The following GPC5 variants were observed in gnomAD, a reference collection of about 807,000 sequenced individuals.
GPC5 encodes the protein glypican 5, also known as glypican-5.
Under a neutral mutation model 53.9 loss-of-function variants are expected in GPC5, and 47 were observed. The observed-to-expected ratio is 0.87, with a 90% confidence interval of 0.69 to 1.11. The LOEUF (loss-of-function observed/expected upper bound fraction) is 1.11, where lower values mean the gene tolerates loss of function less well. Ranked by LOEUF, GPC5 falls within the 50% of genes most tolerant of loss-of-function variation. GPC5 has a pLI of 0.00. For synonymous variants in GPC5, 286 were observed against 263.3 expected (o/e 1.09, Z -0.84); for missense variants, 748 against 713.1 (o/e 1.05, Z -0.56).
chr13:91,444,807 A>G (rs1392617877), intron 1 of GPC5, among the ~76,000 whole-genome samples: 1 of 152,180 alleles, frequency 6.6e-6, no homozygotes, highest in African/African-American at 2.4e-5. Flanking sequence ...ATGGGTCGAT[A>G]GAACACATTT....
At chr13:91,478,793 GTT>G (rs1174635255) in intron 2 of GPC5, among the ~76,000 whole-genome samples, 2 of 9,796 alleles carry the variant, frequency 2.0e-4, no homozygotes, top group East Asian at 4.1e-3. Context: ...CTCCATTTGA[GTT>G]TATATATATA....
chr13:91,721,230 G>A (rs1319505567), intron 3 of GPC5, among the ~76,000 whole-genome samples: 1 of 151,846 alleles, frequency 6.6e-6, no homozygotes, highest in Non-Finnish European at 1.5e-5. Context: ...CACCTTCCAG[G>A]GTCAAGCAAT....
chr13:92,756,595 C>T (rs2139333334), intron 7 of GPC5, among the ~76,000 whole-genome samples: 1 of 149,384 alleles, frequency 6.7e-6, no homozygotes, highest in African/African-American at 2.5e-5. Flanking sequence ...TTGTCTCAGC[C>T]CAAAATCTCC....
chr13:92,422,818 T>TA (rs1429912299), intron 7 of GPC5, among the ~76,000 whole-genome samples: 70 of 152,310 alleles, frequency 4.6e-4, no homozygotes, highest in Admixed American at 2.2e-3. Flanking sequence ...TTGATTACTT[T>TA]AAAAAAATTT....
chr13:91,644,537 T>C (rs942660000), intron 2 of GPC5, among the ~76,000 whole-genome samples: 6 of 152,240 alleles, frequency 3.9e-5, no homozygotes, highest in Non-Finnish European at 7.3e-5. Flanking sequence ...TCTGCCTCAG[T>C]TTCTCTTGGT....
chr13:92,226,169 G>A (rs2042484646), intron 7 of GPC5, among the ~76,000 whole-genome samples: 1 of 152,028 alleles, frequency 6.6e-6, no homozygotes, highest in Non-Finnish European at 1.5e-5. Context: ...ATGATTGTAA[G>A]TTTCATGAGT....
intron 7 of GPC5, among the ~76,000 whole-genome samples, chr13:92,169,001 A>G (rs931568773): frequency 6.6e-6 from 1 of 152,222 alleles, no homozygotes; most frequent in African/African-American, 2.4e-5. Flanking sequence ...TCGCAGCCAT[A>G]AAAAGGAACA....
At chr13:91,489,699 G>T (rs1044233004) in intron 2 of GPC5, among the ~76,000 whole-genome samples, 71 of 152,162 alleles carry the variant, frequency 4.7e-4, no homozygotes, top group African/African-American at 1.6e-3. Flanking sequence ...TAGTCTAAGG[G>T]AGCCAAATAG....
intron 5 of GPC5, among the ~76,000 whole-genome samples, chr13:91,892,352 CT>C (rs1202581554): frequency 1.3e-5 from 2 of 151,622 alleles, no homozygotes; most frequent in African/African-American, 4.8e-5. Context: ...TTACTTGTTC[CT>C]TTTTACCATG....
intron 5 of GPC5, among the ~76,000 whole-genome samples, chr13:91,803,675 T>G (rs2038171391): frequency 6.6e-6 from 1 of 152,104 alleles, no homozygotes; most frequent in Non-Finnish European, 1.5e-5. Context: ...TGTTAGATTT[T>G]TAAATTAATT....
In GPC5 at chr13:92,673,903, A is replaced by G. The variant is rs996685775; in HGVS notation, c.1562-192379A>G. Reference sequence around the variant, plus strand: ...TCATAAATAATGGAATGAAGGAACTACTTATAAAACCAAGGTTCCATTTTC... The same window carrying G: ...TCATAAATAATGGAATGAAGGAACTGCTTATAAAACCAAGGTTCCATTTTC... On this transcript the variant is annotated intron_variant, in intron 7 of 7. Coordinates refer to ENST00000377067, the MANE Select transcript of GPC5 (RefSeq NM_004466.6). 3.3e-5 allele frequency among the ~76,000 whole-genome samples: 5 copies of G among 152,304 alleles called. No individual in the cohort carries two copies. In the East Asian group the frequency reaches 5.8e-4, roughly 18 times the overall value.
intron 1 of GPC5, among the ~76,000 whole-genome samples, chr13:91,408,676 T>A (rs1877504788): frequency 6.6e-6 from 1 of 152,194 alleles, no homozygotes; most frequent in Admixed American, 6.5e-5. Context: ...ATGTTTCAAA[T>A]GTTGTTGTAT....
At chr13:92,541,869 C>A (rs764233196) in intron 7 of GPC5, among the ~76,000 whole-genome samples, 18 of 151,860 alleles carry the variant, frequency 1.2e-4, no homozygotes, top group Non-Finnish European at 2.2e-4. Flanking sequence ...GGACCATTTA[C>A]CAAAGACATT....
rs553448024 is a variant in GPC5 at position 92,483,592 on chromosome 13, T to C, written c.1561+338603T>C. ...ACTAGTGTAGAGTTTATAAATACTA[T>C]ACACTTAGAATACCCAACAATTATT... On this transcript the variant is annotated intron_variant, in intron 7 of 7. Coordinates refer to ENST00000377067, the MANE Select transcript of GPC5 (RefSeq NM_004466.6). Among the ~76,000 whole-genome samples the C allele has an allele frequency of 1.6e-3, 243 of 152,302 alleles. 1 individual carries two copies. The highest frequency in any genetic ancestry group is 2.4e-3 in the Non-Finnish European group (162 of 68,022).
intron 7 of GPC5, among the ~76,000 whole-genome samples, chr13:92,244,690 A>T (rs527641116): frequency 6.6e-6 from 1 of 152,258 alleles, no homozygotes; most frequent in South Asian, 2.1e-4. Context: ...TTTTCCTCTA[A>T]AGCTGGGATA....
At chr13:92,638,966 C>G (rs9516106) in intron 7 of GPC5, among the ~76,000 whole-genome samples, 52,064 of 151,802 alleles carry the variant, frequency 0.34, 10,076 homozygotes, top group Non-Finnish European at 0.45. Context: ...ATAGTATTTG[C>G]CAATCTGTTT....
chr13:92,204,964 C>T (rs185722555), intron 7 of GPC5, among the ~76,000 whole-genome samples: 153 of 151,886 alleles, frequency 1.0e-3, no homozygotes, highest in African/African-American at 3.6e-3. Context: ...CTGCAATCTC[C>T]GCCTCCTGGG....
At chr13:91,831,976 T>C (rs1173726842) in intron 5 of GPC5, among the ~76,000 whole-genome samples, 4 of 151,886 alleles carry the variant, frequency 2.6e-5, no homozygotes, top group Non-Finnish European at 5.9e-5. Context: ...CTATTAGGTC[T>C]GCTTGGTCCA....
chr13:92,661,592 C>G (rs1039515321), intron 7 of GPC5, among the ~76,000 whole-genome samples: 9 of 151,798 alleles, frequency 5.9e-5, no homozygotes, highest in Admixed American at 2.6e-4. Flanking sequence ...GTAAGATTTG[C>G]CCTTTGGTTC....
Sources: gnomAD v4.1 joint callset for allele counts (sites outside exome capture counted in the v4.1 genomes callset) on GRCh38, gnomAD v4.1.1 for gene constraint, MANE v1.5 for transcripts, NCBI Gene and HGNC (gene_info 2026-07-23, HGNC 2026-07-21) for gene names.